Variants in ADGRV1 observed in about 807,000 individuals in gnomAD.
ADGRV1 encodes the protein G-protein coupled receptor 98.
In ADGRV1, 359 loss-of-function variants were observed where a neutral mutation model predicts 596.2. The ratio of observed to expected loss-of-function variants is 0.60; its 90% CI spans 0.55 to 0.66. ADGRV1 has a LOEUF of 0.66. Among genes scored for constraint, ADGRV1 ranks in the 30% least tolerant of loss-of-function variants. The pLI, the probability that ADGRV1 is intolerant of heterozygous loss-of-function variation, is 0.00. For synonymous variants in ADGRV1, 2,681 were observed against 2,679.2 expected (o/e 1.00, Z -0.02); for missense variants, 7,274 against 7,575.6 (o/e 0.96, Z 1.48).
At chr5:90,705,653 C>A in intron 37 of ADGRV1, 74 bp downstream of exon 37, 1 of 1,202,720 alleles carries the variant, frequency 8.3e-7, no homozygotes, top group Non-Finnish European at 1.2e-6. Context: ...GGATGAAAGC[C>A]ATTGCTAAAA....
intron 78 of ADGRV1, among the ~76,000 whole-genome samples, chr5:90,848,138 G>C (rs1231960808): frequency 1.3e-5 from 2 of 152,090 alleles, no homozygotes; most frequent in Admixed American, 1.3e-4. Context: ...AAAAGCTCTT[G>C]ACTAATCTTG....
At chr5:90,893,419 C>A (rs1011981829) in intron 83 of ADGRV1, among the ~76,000 whole-genome samples, 1 of 152,104 alleles carries the variant, frequency 6.6e-6, no homozygotes, top group Non-Finnish European at 1.5e-5. Flanking sequence ...CACACAACTA[C>A]CCTAGTCTAC....
In ADGRV1 at chr5:91,102,353, A is replaced by G; in HGVS notation, c.18432+13A>G. ...CAACAGTCTGCAGGTAAGCCTTACA[A>G]TTTGGTTAGTGACAACATACATTTA... On this transcript the variant is annotated intron_variant, in intron 87 of 89. Coordinates refer to ENST00000405460, the MANE Select transcript of ADGRV1 (RefSeq NM_032119.4). 1 of 1,570,710 alleles carries G rather than the reference A, an allele frequency of 6.4e-7. No individual in the cohort carries two copies. The highest frequency in any genetic ancestry group is 8.6e-7 in the Non-Finnish European group (1 of 1,160,392).
intron 85 of ADGRV1, among the ~76,000 whole-genome samples, chr5:91,033,163 C>T (rs777256782): frequency 9.9e-5 from 15 of 152,094 alleles, no homozygotes; most frequent in Non-Finnish European, 1.6e-4. Flanking sequence ...TGATTAAACA[C>T]TCCACTTTTT....
At position 91,163,839 on chromosome 5, in the gene ADGRV1, C is replaced by T. The variant is rs780455825; in HGVS notation, c.18860C>T (p.Thr6287Ile). The T allele has an allele frequency of 6.2e-7, 1 of 1,607,820 alleles. No individual in the cohort carries two copies. Among genetic ancestry groups the T allele is most frequent in the Non-Finnish European group, 8.5e-7 (1 of 1,176,036 alleles). Residue 6287 changes from threonine to isoleucine, a missense_variant, in exon 90 of 90, where the codon ACC becomes ATC. Coordinates refer to ENST00000405460, the MANE Select transcript of ADGRV1 (RefSeq NM_032119.4). ...GGTCAAGGCAGCCAGGAGGGGGGCACCTTGACTGACTCCCAGATCGTGGAG... is the reference window on the plus strand; with the variant it reads ...GGTCAAGGCAGCCAGGAGGGGGGCATCTTGACTGACTCCCAGATCGTGGAG... Reference protein sequence around the residue: ...ESGQGSQEGGTLTDSQIVELR... With the variant: ...ESGQGSQEGGILTDSQIVELR...
intron 21 of ADGRV1, among the ~76,000 whole-genome samples, chr5:90,659,184 C>T (rs1254264957): frequency 2.6e-5 from 4 of 152,110 alleles, no homozygotes; most frequent in Admixed American, 2.0e-4. Context: ...TCAGAAATAG[C>T]ATATCCTAGA....
intron 80 of ADGRV1, 65 bp from the exon 81 acceptor site, chr5:90,853,997 G>A (rs1766783996): frequency 2.5e-6 from 3 of 1,208,846 alleles, no homozygotes; most frequent in African/African-American, 3.0e-5. Context: ...CAAGTTCAGG[G>A]TAAGAGACTC....
chr5:90,719,571 G>A (rs988117122), intron 43 of ADGRV1, among the ~76,000 whole-genome samples: 5 of 152,064 alleles, frequency 3.3e-5, no homozygotes, highest in Non-Finnish European at 5.9e-5. Flanking sequence ...TGCATCAGTA[G>A]TTGGACATTT....
intron 1 of ADGRV1, among the ~76,000 whole-genome samples, chr5:90,570,449 G>A (rs905562695): frequency 3.3e-5 from 5 of 152,040 alleles, no homozygotes; most frequent in African/African-American, 1.2e-4. Context: ...TCTTAGATAT[G>A]TAGATTAATG....
chr5:91,026,086 A>C (rs74378773), intron 85 of ADGRV1, among the ~76,000 whole-genome samples: 1 of 152,180 alleles, frequency 6.6e-6, no homozygotes, highest in Admixed American at 6.5e-5. Context: ...AAAAAATTAC[A>C]TACAATTAAT....
chr5:90,965,522 G>A lies in ADGRV1; in HGVS notation c.17964G>A (p.Met5988Ile). 1.9e-6 allele frequency: 3 copies of A among 1,600,564 alleles called. No individual in the cohort carries two copies. Among genetic ancestry groups the A allele is most frequent in the Non-Finnish European group, 2.6e-6 (3 of 1,168,226 alleles). The part of the protein sequence containing the change: ...HYLYLCQFSW[M>I]LIQSVNFWYV... Reference sequence around the variant, plus strand: ...TGTATCTTTGCCAGTTTAGCTGGATGCTCATTCAGGTTGGTACCTCATTCC... The same window carrying A: ...TGTATCTTTGCCAGTTTAGCTGGATACTCATTCAGGTTGGTACCTCATTCC... The change falls in exon 84 of 90, where the codon ATG becomes ATA. Residue 5988 changes from methionine (M) to isoleucine (I), a missense_variant. Around this residue, in one of 5 missense-constraint regions of ADGRV1, gnomAD observed 1,874 missense variants for 1,970.2 expected, o/e 0.95. Coordinates refer to ENST00000405460, the MANE Select transcript of ADGRV1 (RefSeq NM_032119.4).
At chr5:90,950,690 G>A (rs1323197918) in intron 83 of ADGRV1, among the ~76,000 whole-genome samples, 2 of 152,110 alleles carry the variant, frequency 1.3e-5, no homozygotes, top group Non-Finnish European at 2.9e-5. Flanking sequence ...AAGAAAAAAA[G>A]GGAGTCAAAA....
At chr5:91,155,381 G>A (rs1247096417) in intron 89 of ADGRV1, among the ~76,000 whole-genome samples, 3 of 152,172 alleles carry the variant, frequency 2.0e-5, no homozygotes, top group African/African-American at 7.2e-5. Context: ...CAGTGTGGCA[G>A]GGGCAGAGAG....
chr5:90,833,046 G>GT (rs1764651148), intron 77 of ADGRV1, among the ~76,000 whole-genome samples: 2 of 152,082 alleles, frequency 1.3e-5, no homozygotes, highest in South Asian at 4.2e-4. Flanking sequence ...GATTCCTCCA[G>GT]TTTTTTTCTT....
chr5:90,782,751 G>A (rs1454630124), intron 65 of ADGRV1, among the ~76,000 whole-genome samples: 3 of 152,034 alleles, frequency 2.0e-5, no homozygotes, highest in African/African-American at 7.2e-5. Flanking sequence ...ATGTGTGGAA[G>A]CAATCCAGAG....
rs148332227 is a variant in ADGRV1 at position 90,985,399 on chromosome 5, A to T, written c.18029A>T (p.Tyr6010Phe). The T allele has an allele frequency of 3.7e-5, 59 of 1,613,710 alleles. No homozygotes were observed. Among genetic ancestry groups the T allele is most frequent in the Non-Finnish European group, 4.9e-5 (58 of 1,179,732 alleles). The part of the protein sequence containing the change: ...VMNDEHTERR[Y>F]LLFFLLSWGL... ...AATGATGAGCACACAGAGAGGCGAT[A>T]TCTGCTGTTTTTCCTTCTGAGTTGG... The change falls in exon 85 of 90, where the codon TAT becomes TTT. Residue 6010 changes from tyrosine (Y) to phenylalanine (F), a missense_variant. This residue lies in a region of ADGRV1 where 1,874 missense variants were observed against 1,970.2 expected (regional missense o/e 0.95). Transcript: ENST00000405460.
chr5:91,150,419 T>A (rs1330448818), intron 88 of ADGRV1, among the ~76,000 whole-genome samples, 198 bp downstream of exon 88: 1 of 152,186 alleles, frequency 6.6e-6, no homozygotes, highest in East Asian at 1.9e-4. Flanking sequence ...TGGTACTTGG[T>A]TTCCTTACTA....
chr5:90,656,749 T>A lies in ADGRV1; in HGVS notation c.4379-1156T>A, dbSNP rs545052199. The stretch of plus-strand genomic sequence containing the variant: ...TGACAAGAAATATTGCTTGTACTTT[T>A]TTTTCCAGAATCTCTGCCAATATCT... On this transcript the variant is annotated intron_variant, in intron 20 of 89. Transcript: ENST00000405460. 2.6e-5 allele frequency among the ~76,000 whole-genome samples: 4 copies of A among 152,312 alleles called. No individual in the cohort carries two copies. In the South Asian group the frequency reaches 8.3e-4, roughly 32 times the overall value.
intron 85 of ADGRV1, among the ~76,000 whole-genome samples, chr5:91,011,703 G>A (rs533954046): frequency 9.2e-4 from 140 of 151,822 alleles, no homozygotes; most frequent in Non-Finnish European, 1.5e-3. Context: ...CGACATTGCC[G>A]GTATTTTCCA....
Sources: allele counts gnomAD v4.1 joint callset (sites outside exome capture counted in the v4.1 genomes callset), GRCh38; gene constraint gnomAD v4.1.1; regional missense constraint gnomAD v4.1.1; transcripts MANE v1.5; gene names NCBI Gene and HGNC (gene_info 2026-07-23, HGNC 2026-07-21).